Variants in RGS9 observed in about 807,000 individuals in gnomAD.
RGS9 encodes regulator of G-protein signalling 9.
RGS9 carries 78 observed loss-of-function variants against 102.0 expected under a neutral mutation model. The ratio of observed to expected loss-of-function variants is 0.76; its 90% CI spans 0.64 to 0.92. The LOEUF (loss-of-function observed/expected upper bound fraction) is 0.92. Ranked by LOEUF, RGS9 falls within the 40% of genes least tolerant of loss-of-function variation. The pLI is 0.00. For missense variants in RGS9, 833 were observed against 866.1 expected, an observed-to-expected ratio of 0.96 and a Z score of 0.48; for synonymous variants, 353 against 318.6, an observed-to-expected ratio of 1.11 and a Z score of -1.15.
chr17:65,182,235 G>A (rs764390313), intron 9 of RGS9, among the ~76,000 whole-genome samples: 5 of 152,220 alleles, frequency 3.3e-5, no homozygotes, highest in Non-Finnish European at 5.9e-5. Context: ...CCGCCAATAG[G>A]GGACAAACTT....
chr17:65,202,200 A>C, intron 14 of RGS9, 120 bp downstream of exon 14: 1 of 721,510 alleles, frequency 1.4e-6, no homozygotes, highest in Non-Finnish European at 2.5e-6. Flanking sequence ...GGCCCTGGTC[A>C]GCATCAGTTC....
At chr17:65,143,475 A>T (rs988645101) in intron 1 of RGS9, among the ~76,000 whole-genome samples, 4 of 152,184 alleles carry the variant, frequency 2.6e-5, no homozygotes, top group Admixed American at 6.5e-5. Context: ...ACCCATCTCT[A>T]TAAGAAAATT....
intron 12 of RGS9, among the ~76,000 whole-genome samples, chr17:65,195,241 TG>T (rs1912539506): frequency 6.6e-6 from 1 of 152,102 alleles, no homozygotes; most frequent in Non-Finnish European, 1.5e-5. Flanking sequence ...TAGGAGGGCT[TG>T]GGGAGGAGAG....
intron 3 of RGS9, 160 bp downstream of exon 3, chr17:65,158,505 A>C: frequency 1.3e-6 from 1 of 757,212 alleles, no homozygotes; most frequent in Non-Finnish European, 2.4e-6. Context: ...AAGCAAAGGC[A>C]GGATAATTTG....
chr17:65,146,219 T>C (rs1910353312), intron 1 of RGS9, among the ~76,000 whole-genome samples: 1 of 152,180 alleles, frequency 6.6e-6, no homozygotes, highest in African/African-American at 2.4e-5. Context: ...CTGTTACATC[T>C]AATAAAAACC....
intron 1 of RGS9, among the ~76,000 whole-genome samples, chr17:65,143,566 G>A (rs1006388971): frequency 3.9e-5 from 6 of 152,210 alleles, no homozygotes; most frequent in Middle Eastern, 3.4e-3. Flanking sequence ...TGGATCACTT[G>A]AGCCCAGGTG....
chr17:65,160,675 G>A (rs1456026531), intron 5 of RGS9, 88 bp downstream of exon 5: 5 of 1,499,770 alleles, frequency 3.3e-6, no homozygotes, highest in African/African-American at 1.4e-5. Flanking sequence ...TTGTCTTGCT[G>A]TCATCATGAC....
intron 8 of RGS9, among the ~76,000 whole-genome samples, chr17:65,171,122 G>A (rs777576333): frequency 2.6e-5 from 4 of 152,210 alleles, no homozygotes; most frequent in Non-Finnish European, 4.4e-5. Context: ...GTAACCAACA[G>A]TTGTAGAGTG....
intron 1 of RGS9, among the ~76,000 whole-genome samples, chr17:65,141,669 G>A (rs1005591089): frequency 2.0e-5 from 3 of 152,212 alleles, no homozygotes; most frequent in African/African-American, 4.8e-5. Context: ...TCCATAGGCT[G>A]TGGCAGACAT....
rs9907340 is a variant in RGS9, at chr17:65,204,073, C to T, written c.1065-90C>T. The T allele has an allele frequency of 1.0e-3, 1,520 of 1,490,524 alleles. 11 individuals carry two copies. In the African/African-American group the frequency reaches 0.015, roughly 15 times the overall value. The allele number at this position is 1,490,524 out of a possible 1,614,324, so 92.3% of individuals were successfully genotyped here. A position where few individuals can be genotyped will look rare whatever the true frequency, so the allele number is the denominator to read the frequency against. On this transcript the variant is annotated intron_variant, in intron 14 of 18. Transcript: ENST00000262406. ...CCACCCTCACCCTCGGTAACCGATT[C>T]GTATCAGTCCTTCCCTCCCAAGCAG... is the stretch of plus-strand genomic sequence containing the variant.
chr17:65,142,574 C>CTTTTTTTTTTT (rs745663576), intron 1 of RGS9, among the ~76,000 whole-genome samples: 4 of 137,780 alleles, frequency 2.9e-5, no homozygotes, highest in Admixed American at 7.3e-5. Flanking sequence ...CCCTTCCTTT[C>CTTTTTTTTTTT]TTTTTTTTTT....
At chr17:65,190,329 A>G in intron 11 of RGS9, 93 bp downstream of exon 11, 1 of 996,092 alleles carries the variant, frequency 1.0e-6, no homozygotes, top group Non-Finnish European at 1.6e-6. Flanking sequence ...GGGCTGACAG[A>G]CTGAAGATTC....
chr17:65,156,474 G>A (rs1375644248), intron 2 of RGS9, among the ~76,000 whole-genome samples: 1 of 152,228 alleles, frequency 6.6e-6, no homozygotes, highest in Non-Finnish European at 1.5e-5. Context: ...AGCTGCTGTA[G>A]AAACAACACA....
chr17:65,198,106 C>T (rs577347042), intron 13 of RGS9, among the ~76,000 whole-genome samples: 1 of 152,242 alleles, frequency 6.6e-6, no homozygotes, highest in African/African-American at 2.4e-5. Flanking sequence ...TTTGGAAACT[C>T]CCCAGATGAT....
At chr17:65,186,842 G>A (rs1223813992) in intron 9 of RGS9, among the ~76,000 whole-genome samples, 1 of 152,218 alleles carries the variant, frequency 6.6e-6, no homozygotes. Context: ...GTAGTTGCTA[G>A]GCAGTTATCA....
At chr17:65,197,546 GC>G (rs1470682719) in intron 13 of RGS9, among the ~76,000 whole-genome samples, 1 of 152,208 alleles carries the variant, frequency 6.6e-6, no homozygotes, top group Non-Finnish European at 1.5e-5. Context: ...CACCCGAGGA[GC>G]CCCCGCTCCT....
At chr17:65,171,442 T>C (rs1005795883) in intron 8 of RGS9, among the ~76,000 whole-genome samples, 1 of 152,166 alleles carries the variant, frequency 6.6e-6, no homozygotes, top group East Asian at 1.9e-4. Flanking sequence ...ATCTTTCTGA[T>C]GGTAAAGCCC....
chr17:65,173,450 C>A lies in RGS9; in HGVS notation c.583-4282C>A, dbSNP rs539142612. ...GGTTCCTGGGAACATCGCCTCCTCA[C>A]GAGCAGTTGTCACGAGTACAGGAGC... On this transcript the variant is annotated intron_variant, in intron 8 of 18. Transcript: ENST00000262406. The surrounding 1 kb of genome is among the most constrained non-coding windows in gnomAD (Gnocchi z 4.8). Among the ~76,000 whole-genome samples the A allele has an allele frequency of 2.6e-5, 4 of 152,020 alleles. No homozygotes were observed. The highest frequency in any genetic ancestry group is 7.2e-5 in the African/African-American group (3 of 41,380).
At position 65,210,489 on chromosome 17, in the gene RGS9, T is replaced by C; in HGVS notation, c.1291T>C (p.Ser431Pro). The part of the protein sequence containing the change: ...IEPQETTKKS[S>P]TLPFMRRHLR... ...CCACCAATCTGTCCTTCCTTCCAGC[T>C]CCACCCTCCCTTTTATGCGGCGTCA... Residue 431 changes from serine (S) to proline (P), a missense_variant and splice_region_variant, in exon 17 of 19, where the codon TCC becomes CCC. Around this residue, in one of 3 missense-constraint regions of RGS9, gnomAD observed 185 missense variants for 248.7 expected, o/e 0.74. Coordinates refer to ENST00000262406, the MANE Select transcript of RGS9 (RefSeq NM_003835.4). 6.2e-7 allele frequency: 1 copy of C among 1,613,132 alleles called. No homozygotes were observed. Among genetic ancestry groups the C allele is most frequent in the South Asian group, 1.1e-5 (1 of 91,020 alleles).
Sources: allele counts gnomAD v4.1 joint callset (sites outside exome capture counted in the v4.1 genomes callset), GRCh38; gene constraint gnomAD v4.1.1; regional missense constraint gnomAD v4.1.1; non-coding constraint Gnocchi (gnomAD v3.1); transcripts MANE v1.5; gene names NCBI Gene and HGNC (gene_info 2026-07-23, HGNC 2026-07-21).